ARHGAP44: variants seen among roughly 807,000 people sequenced by gnomAD.
ARHGAP44 encodes the protein rho GTPase-activating protein 44.
In ARHGAP44, 43 loss-of-function variants were observed where a neutral mutation model predicts 106.8. The ratio of observed to expected loss-of-function variants is 0.40; its 90% CI spans 0.32 to 0.52. ARHGAP44 has a LOEUF of 0.52. Among genes scored for constraint, ARHGAP44 ranks in the 20% least tolerant of loss-of-function variants. ARHGAP44 has a pLI of 0.48. For synonymous variants in ARHGAP44, 439 were observed against 410.3 expected, an observed-to-expected ratio of 1.07 and a Z score of -0.85; for missense variants, 866 against 1,050.5, an observed-to-expected ratio of 0.82 and a Z score of 2.43.
At chr17:12,945,005 T>C (rs890064179) in intron 10 of ARHGAP44, among the ~76,000 whole-genome samples, 8 of 151,910 alleles carry the variant, frequency 5.3e-5, no homozygotes, top group African/African-American at 1.9e-4. Flanking sequence ...AAAATGTCTA[T>C]GAGAAATTTT....
chr17:12,976,185 CA>C (rs2039676166), intron 18 of ARHGAP44, among the ~76,000 whole-genome samples: 1 of 152,252 alleles, frequency 6.6e-6, no homozygotes, highest in African/African-American at 2.4e-5. Context: ...TTTCTCCAAA[CA>C]CACATGCATA....
rs2033676153 is a variant in ARHGAP44 at position 12,789,773 on chromosome 17, C to T, written c.-66C>T. Reference sequence around the variant, plus strand: ...GGCTCCGCGCGGGAGCCATGTAACCCTGCGGCGGGCTCCGGGCTGCTCCGT... The same window carrying T: ...GGCTCCGCGCGGGAGCCATGTAACCTTGCGGCGGGCTCCGGGCTGCTCCGT... On this transcript the variant is annotated 5_prime_UTR_variant, in exon 1 of 21. Coordinates refer to ENST00000379672, the MANE Select transcript of ARHGAP44 (RefSeq NM_014859.6). 7.1e-7 allele frequency: 1 copy of T among 1,409,630 alleles called. No individual in the cohort carries two copies. 87.3% of individuals were successfully genotyped at this position (1,409,630 alleles called of 1,614,324 possible).
intron 5 of ARHGAP44, among the ~76,000 whole-genome samples, chr17:12,917,647 A>C (rs1197593499): frequency 6.6e-6 from 1 of 152,108 alleles, no homozygotes; most frequent in African/African-American, 2.4e-5. Flanking sequence ...ATACGTCACT[A>C]GCCTTTGAGG....
intron 1 of ARHGAP44, among the ~76,000 whole-genome samples, chr17:12,805,425 A>G (rs555446386): frequency 2.6e-5 from 4 of 152,274 alleles, no homozygotes; most frequent in Non-Finnish European, 4.4e-5. Flanking sequence ...AGATATTTTT[A>G]TGGCCCCTAA....
At chr17:12,807,699 G>A (rs1401865839) in intron 1 of ARHGAP44, among the ~76,000 whole-genome samples, 2 of 152,170 alleles carry the variant, frequency 1.3e-5, no homozygotes, top group African/African-American at 4.8e-5. Context: ...TACAATTCAA[G>A]ATGAGATTTG....
intron 8 of ARHGAP44, among the ~76,000 whole-genome samples, chr17:12,942,166 A>T (rs1245779461): frequency 1.3e-5 from 2 of 152,158 alleles, no homozygotes; most frequent in African/African-American, 2.4e-5. Flanking sequence ...TTATTTTTTG[A>T]GATGGAGTCT....
intron 16 of ARHGAP44, among the ~76,000 whole-genome samples, chr17:12,968,624 C>T (rs11078108): frequency 0.1 from 15,720 of 152,064 alleles, 917 homozygotes; most frequent in South Asian, 0.2. Context: ...TTCTGAAACC[C>T]AAATTGGGTC....
chr17:12,955,804 T>TG lies in ARHGAP44; in HGVS notation c.1137-63_1137-62insG, dbSNP rs796606183. On this transcript the variant is annotated intron_variant, in intron 13 of 20. Coordinates refer to ENST00000379672, the MANE Select transcript of ARHGAP44 (RefSeq NM_014859.6). The stretch of plus-strand genomic sequence containing the variant: ...TGACATGAGAGAAGCTTCTGTCCAG[T>TG]CCCCGGGGGACATGGCTGGTGTTGA... 93 of 978,054 alleles carry TG rather than the reference T, an allele frequency of 9.5e-5. 2 individuals carry two copies. The East Asian group carries it at 2.0e-3, about 21-fold the overall frequency. 60.6% of individuals were successfully genotyped at this position (978,054 alleles called of 1,614,324 possible). A position where few individuals can be genotyped will look rare whatever the true frequency, so the allele number is the denominator to read the frequency against.
intron 1 of ARHGAP44, among the ~76,000 whole-genome samples, chr17:12,849,385 A>G (rs1184364160): frequency 3.3e-5 from 5 of 151,874 alleles, no homozygotes; most frequent in African/African-American, 1.2e-4. Flanking sequence ...CCAATCTGTG[A>G]GTTTGTGCCT....
chr17:12,796,851 C>T (rs960672715), intron 1 of ARHGAP44, among the ~76,000 whole-genome samples: 6 of 150,812 alleles, frequency 4.0e-5, no homozygotes, highest in East Asian at 2.0e-4. Flanking sequence ...GTGATCTGCC[C>T]GCCTCAGCCT....
intron 4 of ARHGAP44, among the ~76,000 whole-genome samples, chr17:12,915,125 G>C (rs1411377695): frequency 6.6e-6 from 1 of 152,168 alleles, no homozygotes; most frequent in Non-Finnish European, 1.5e-5. Flanking sequence ...TACAGCCTCT[G>C]CCTCCCAGGT....
rs763461279 is a variant in ARHGAP44, at chr17:12,990,057, G to A, written c.2343G>A (p.Ser781=). The A allele has an allele frequency of 1.2e-5, 19 of 1,608,438 alleles. No individual in the cohort carries two copies. In the Admixed American group the frequency reaches 1.8e-4, roughly 16 times the overall value. ...ATCTTGTCCACTTTGATATTCCCTCGATCCACATAGAGCTCGGGTCGACGC... is the reference window on the plus strand; with the variant it reads ...ATCTTGTCCACTTTGATATTCCCTCAATCCACATAGAGCTCGGGTCGACGC... ...STDLVHFDIP[S]IHIELGSTLR... Residue 781 remains serine (S), a synonymous_variant, in exon 21 of 21, where the codon TCG becomes TCA. Transcript: ENST00000379672.
chr17:12,850,328 G>A (rs1372738823), intron 1 of ARHGAP44, among the ~76,000 whole-genome samples: 4 of 152,106 alleles, frequency 2.6e-5, no homozygotes, highest in African/African-American at 4.8e-5. Flanking sequence ...CTTTCTTTAC[G>A]CATTAATGGG....
chr17:12,851,875 C>G (rs946800103), intron 1 of ARHGAP44, among the ~76,000 whole-genome samples: 1 of 151,878 alleles, frequency 6.6e-6, no homozygotes, highest in Non-Finnish European at 1.5e-5. Context: ...GCATCTGAGT[C>G]GAAAGGAGGC....
At chr17:12,857,765 GTTATTTATTTATTTATTTA>G (rs1253012953) in intron 1 of ARHGAP44, among the ~76,000 whole-genome samples, 6 of 145,628 alleles carry the variant, frequency 4.1e-5, no homozygotes, top group African/African-American at 1.5e-4. Context: ...GGTTGCCCAT[GTTATTTATTTATTTATTTA>G]TTTATTTATT....
In ARHGAP44 at chr17:12,991,345, A is replaced by G. The variant is rs1030203686; in HGVS notation, c.*1174A>G. 9 of 153,420 alleles carry G rather than the reference A, an allele frequency of 5.9e-5. No individual in the cohort carries two copies. The highest frequency in any genetic ancestry group is 1.2e-4 in the Non-Finnish European group (8 of 68,482). 9.5% of individuals were successfully genotyped at this position (153,420 alleles called of 1,614,324 possible). The stretch of plus-strand genomic sequence containing the variant: ...ACATGATATAATATTTGTATATATG[A>G]AATCTCTCTATATTTGTTTAATTTG... On this transcript the variant is annotated 3_prime_UTR_variant, in exon 21 of 21. Transcript: ENST00000379672.
intron 8 of ARHGAP44, among the ~76,000 whole-genome samples, chr17:12,941,931 G>A (rs1046510805): frequency 2.0e-5 from 3 of 152,128 alleles, no homozygotes; most frequent in Non-Finnish European, 2.9e-5. Context: ...ATTTATAATC[G>A]GGGAAGGAAA....
chr17:12,943,550 C>T, intron 8 of ARHGAP44, 38 bp from the exon 9 acceptor site: 1 of 1,601,690 alleles, frequency 6.2e-7, no homozygotes, highest in Non-Finnish European at 8.6e-7. Context: ...GTGTCCTTGC[C>T]CCTCACTAAG....
rs115629283 is a variant in ARHGAP44 at position 12,802,526 on chromosome 17, C to T, written c.53+12635C>T. Among the ~76,000 whole-genome samples, 300 of 152,150 alleles carry T rather than the reference C, an allele frequency of 2.0e-3. 2 individuals carry two copies. Among genetic ancestry groups the T allele is most frequent in the African/African-American group, 7.0e-3 (291 of 41,530 alleles). ...AACAGGGGGAGAATAGGAATTCTTTCGATTGACAGTCTACAATGACAGCAG... is the reference window on the plus strand; with the variant it reads ...AACAGGGGGAGAATAGGAATTCTTTTGATTGACAGTCTACAATGACAGCAG... On this transcript the variant is annotated intron_variant, in intron 1 of 20. Coordinates refer to ENST00000379672, the MANE Select transcript of ARHGAP44 (RefSeq NM_014859.6).
Sources: gnomAD v4.1 joint callset for allele counts (sites outside exome capture counted in the v4.1 genomes callset) on GRCh38, gnomAD v4.1.1 for gene constraint, MANE v1.5 for transcripts, NCBI Gene and HGNC (gene_info 2026-07-23, HGNC 2026-07-21) for gene names.